ITPR2: variants seen among roughly 807,000 people sequenced by gnomAD.
ITPR2 encodes inositol 1,4,5-trisphosphate receptor type 2.
A neutral mutation model predicts 317.1 loss-of-function variants in ITPR2; 207 were observed. The ratio of observed to expected loss-of-function variants is 0.65; its 90% CI spans 0.58 to 0.73. ITPR2 has a LOEUF of 0.73. Ranked by LOEUF, ITPR2 falls within the 30% of genes least tolerant of loss-of-function variation. ITPR2 has a pLI of 0.00. For synonymous variants in ITPR2, 1,156 were observed against 1,149.1 expected, an observed-to-expected ratio of 1.01 and a Z score of -0.12; for missense variants, 2,613 against 3,284.0, an observed-to-expected ratio of 0.80 and a Z score of 4.99.
chr12:26,349,093 A>T (rs1938399289), intron 55 of ITPR2, among the ~76,000 whole-genome samples: 1 of 152,186 alleles, frequency 6.6e-6, no homozygotes, highest in African/African-American at 2.4e-5. Flanking sequence ...GACTGTAGTG[A>T]GCTATGATCA....
At chr12:26,784,388 C>CTTCCACGGTCTCT (rs1167487064) in intron 2 of ITPR2, among the ~76,000 whole-genome samples, 1 of 144,098 alleles carries the variant, frequency 6.9e-6, no homozygotes, top group Admixed American at 6.8e-5. Flanking sequence ...CCACGGTCTC[C>CTTCCACGGTCTCT]CTCTGATGCC....
At chr12:26,448,546 A>T (rs1316607958) in intron 45 of ITPR2, among the ~76,000 whole-genome samples, 11 of 152,172 alleles carry the variant, frequency 7.2e-5, no homozygotes, top group Admixed American at 7.2e-4. Context: ...TAGAAAAACT[A>T]GGCCTGAGAT....
chr12:26,712,788 A>C (rs563677291), intron 8 of ITPR2, among the ~76,000 whole-genome samples: 1 of 152,312 alleles, frequency 6.6e-6, no homozygotes, highest in South Asian at 2.1e-4. Context: ...GGCTCCCTAG[A>C]GGGGATATTC....
chr12:26,777,035 A>C (rs1348355116), intron 2 of ITPR2, among the ~76,000 whole-genome samples: 1 of 152,210 alleles, frequency 6.6e-6, no homozygotes, highest in Non-Finnish European at 1.5e-5. Context: ...AGGAACACAG[A>C]GTTGGATCAG....
chr12:26,481,786 C>T (rs1942550369), intron 42 of ITPR2, among the ~76,000 whole-genome samples: 1 of 152,284 alleles, frequency 6.6e-6, no homozygotes, highest in African/African-American at 2.4e-5. Flanking sequence ...ATATGAGACT[C>T]TCCTGATGTT....
At position 26,682,143 on chromosome 12, in the gene ITPR2, C is replaced by T. The variant is rs879113059; in HGVS notation, c.1249-109G>A. The stretch of plus-strand genomic sequence containing the variant: ...AAATATAAGACAAGAATAGATCATC[C>T]GAACACAGTAACTCCCACATGCATC... On this transcript the variant is annotated intron_variant, in intron 12 of 56. Transcript: ENST00000381340. 5.0e-5 allele frequency: 44 copies of T among 876,384 alleles called. 1 individual carries two copies. In the South Asian group the frequency reaches 7.2e-4, roughly 14 times the overall value. 54.3% of individuals were successfully genotyped at this position (876,384 alleles called of 1,614,324 possible).
intron 23 of ITPR2, among the ~76,000 whole-genome samples, chr12:26,625,116 T>G (rs1403539896): frequency 6.6e-6 from 1 of 152,082 alleles, no homozygotes; most frequent in Non-Finnish European, 1.5e-5. Context: ...ATGTTCTCAC[T>G]CATTTGTGGA....
intron 37 of ITPR2, among the ~76,000 whole-genome samples, chr12:26,531,600 C>T (rs143955450): frequency 9.2e-5 from 14 of 152,116 alleles, no homozygotes; most frequent in African/African-American, 3.4e-4. Flanking sequence ...GTGATATTTT[C>T]TCACATACAC....
intron 2 of ITPR2, among the ~76,000 whole-genome samples, chr12:26,757,862 C>G (rs1264135197): frequency 6.6e-6 from 1 of 152,154 alleles, no homozygotes. Flanking sequence ...GTGCTTTAGG[C>G]AGAGTCCTTA....
intron 2 of ITPR2, among the ~76,000 whole-genome samples, chr12:26,749,224 A>G (rs908585585): frequency 1.3e-5 from 2 of 152,200 alleles, no homozygotes; most frequent in African/African-American, 4.8e-5. Flanking sequence ...ACTGACTTTT[A>G]AATGTCCAAG....
At chr12:26,740,638 C>A (rs1270290010) in intron 2 of ITPR2, among the ~76,000 whole-genome samples, 1 of 152,174 alleles carries the variant, frequency 6.6e-6, no homozygotes, top group Admixed American at 6.6e-5. Flanking sequence ...ACTGTGGTTA[C>A]CCCTGAGATA....
intron 35 of ITPR2, among the ~76,000 whole-genome samples, chr12:26,556,790 A>AC (rs67546143): frequency 9.5e-6 from 1 of 105,718 alleles, no homozygotes; most frequent in Non-Finnish European, 2.1e-5. Flanking sequence ...AAAAAAAAAA[A>AC]AATTCCAGCC....
intron 48 of ITPR2, among the ~76,000 whole-genome samples, chr12:26,431,420 G>GT (rs1396949644): frequency 2.6e-4 from 40 of 152,280 alleles, no homozygotes; most frequent in Middle Eastern, 3.4e-3. Flanking sequence ...GCCGCAACCA[G>GT]TGTAGCCTCA....
At chr12:26,539,731 C>A (rs1944205078) in intron 37 of ITPR2, among the ~76,000 whole-genome samples, 1 of 152,236 alleles carries the variant, frequency 6.6e-6, no homozygotes, top group African/African-American at 2.4e-5. Flanking sequence ...TGCGAGACGT[C>A]TTCTTCCTCA....
At chr12:26,762,622 T>G (rs1442882830) in intron 2 of ITPR2, among the ~76,000 whole-genome samples, 2 of 152,160 alleles carry the variant, frequency 1.3e-5, no homozygotes, top group Non-Finnish European at 2.9e-5. Flanking sequence ...TGAAAACATG[T>G]AGAAGTATAA....
chr12:26,343,214 G>A (rs1938194598), intron 55 of ITPR2, among the ~76,000 whole-genome samples: 1 of 152,202 alleles, frequency 6.6e-6, no homozygotes. Flanking sequence ...AATGAAGCTA[G>A]TAACTGGATT....
intron 32 of ITPR2, among the ~76,000 whole-genome samples, chr12:26,590,193 C>T (rs1945664441): frequency 6.6e-6 from 1 of 152,084 alleles, no homozygotes; most frequent in African/African-American, 2.4e-5. Context: ...CCAGAAAATT[C>T]TCTCTGTAGA....
chr12:26,350,661 C>T (rs1004141563), intron 55 of ITPR2, among the ~76,000 whole-genome samples: 1 of 151,968 alleles, frequency 6.6e-6, no homozygotes, highest in African/African-American at 2.4e-5. Context: ...TGGGTCTCAC[C>T]CCCCAGACAA....
At chr12:26,592,579 A>C (rs1945734154) in intron 32 of ITPR2, among the ~76,000 whole-genome samples, 1 of 152,236 alleles carries the variant, frequency 6.6e-6, no homozygotes, top group Admixed American at 6.5e-5. Context: ...AGAAAAAAGT[A>C]GTAAGCTCAT....
Sources: gnomAD v4.1 joint callset for allele counts (sites outside exome capture counted in the v4.1 genomes callset) on GRCh38, gnomAD v4.1.1 for gene constraint, MANE v1.5 for transcripts, NCBI Gene and HGNC (gene_info 2026-07-23, HGNC 2026-07-21) for gene names.